RGS6: variants seen among roughly 807,000 people sequenced by gnomAD.
RGS6 encodes regulator of G protein signaling 6.
Under a neutral mutation model 78.5 loss-of-function variants are expected in RGS6, and 30 were observed. That is an observed-to-expected ratio of 0.38 (90% CI 0.29 to 0.52). The LOEUF (loss-of-function observed/expected upper bound fraction) is 0.52. RGS6 is among the 20% of genes least tolerant of loss of function. The pLI is 0.85. For synonymous variants in RGS6, 206 were observed against 206.0 expected, an observed-to-expected ratio of 1.00 and a Z score of 0.00; for missense variants, 495 against 609.7, an observed-to-expected ratio of 0.81 and a Z score of 1.98.
chr14:72,146,366 T>G (rs975492144), intron 2 of RGS6, among the ~76,000 whole-genome samples: 2 of 152,146 alleles, frequency 1.3e-5, no homozygotes, highest in Non-Finnish European at 2.9e-5. Context: ...CACATTCTTC[T>G]CACATGTAAA....
intron 2 of RGS6, among the ~76,000 whole-genome samples, chr14:72,278,095 G>C (rs2060980346): frequency 6.6e-6 from 1 of 152,136 alleles, no homozygotes; most frequent in African/African-American, 2.4e-5. Context: ...GAAAATGGTA[G>C]GGTCTGGAGG....
chr14:72,320,096 C>G (rs1447272764), intron 2 of RGS6, among the ~76,000 whole-genome samples: 1 of 152,174 alleles, frequency 6.6e-6, no homozygotes, highest in African/African-American at 2.4e-5. Flanking sequence ...AAACCTCAGG[C>G]TAACCTAAGC....
chr14:72,347,540 A>G (rs1431995939), intron 2 of RGS6, among the ~76,000 whole-genome samples: 1 of 152,250 alleles, frequency 6.6e-6, no homozygotes, highest in Non-Finnish European at 1.5e-5. Flanking sequence ...GGTTGAGAAC[A>G]TAAAGATGAA....
At chr14:72,332,523 C>T (rs1281463050) in intron 2 of RGS6, among the ~76,000 whole-genome samples, 2 of 152,164 alleles carry the variant, frequency 1.3e-5, no homozygotes, top group Non-Finnish European at 2.9e-5. Flanking sequence ...CAACTAGGAA[C>T]CCCAGAGTAG....
chr14:72,144,828 CAG>C (rs1454405382), intron 2 of RGS6, among the ~76,000 whole-genome samples: 2 of 151,322 alleles, frequency 1.3e-5, no homozygotes, highest in Admixed American at 6.6e-5. Flanking sequence ...TGTATCGAGA[CAG>C]GGGAATTGCA....
At chr14:72,130,090 T>G (rs1016927486) in intron 2 of RGS6, among the ~76,000 whole-genome samples, 1 of 152,138 alleles carries the variant, frequency 6.6e-6, no homozygotes, top group Non-Finnish European at 1.5e-5. Flanking sequence ...AACCCCCAGG[T>G]TTGGCAATTC....
chr14:72,419,756 G>A (rs2094063238), intron 3 of RGS6, among the ~76,000 whole-genome samples: 1 of 152,192 alleles, frequency 6.6e-6, no homozygotes, highest in Non-Finnish European at 1.5e-5. Context: ...TATAGGTAAA[G>A]AGCAGCAAAA....
At chr14:72,143,948 G>A (rs1473934359) in intron 2 of RGS6, among the ~76,000 whole-genome samples, 1 of 152,110 alleles carries the variant, frequency 6.6e-6, no homozygotes, top group Non-Finnish European at 1.5e-5. Context: ...GTCAGTCACA[G>A]GACTTGTAGG....
In RGS6 at chr14:72,005,316, CTT is replaced by C. The variant is rs200084696; in HGVS notation, c.84+40443_84+40444del. ...GAATTTTATTGTCTAACTCATATCT[CTT>C]TATAATATTTATACTTAGAAAGTAT... On this transcript the variant is annotated intron_variant, in intron 2 of 17. Coordinates refer to ENST00000553525, the MANE Select transcript of RGS6 (RefSeq NM_001204424.2). Among the ~76,000 whole-genome samples, 195 of 152,110 alleles carry C rather than the reference CTT, an allele frequency of 1.3e-3. 3 individuals carry two copies. The East Asian group carries it at 0.035, about 27-fold the overall frequency.
At chr14:72,167,154 T>C (rs2096939358) in intron 2 of RGS6, among the ~76,000 whole-genome samples, 1 of 152,196 alleles carries the variant, frequency 6.6e-6, no homozygotes, top group Non-Finnish European at 1.5e-5. Context: ...TGGGGAAGGA[T>C]CCACATTTGA....
intron 2 of RGS6, among the ~76,000 whole-genome samples, chr14:72,063,931 T>C (rs1397799007): frequency 6.6e-6 from 1 of 152,122 alleles, no homozygotes; most frequent in Non-Finnish European, 1.5e-5. Flanking sequence ...ATAAGATTGC[T>C]GAGCAGAACT....
intron 2 of RGS6, among the ~76,000 whole-genome samples, chr14:72,060,622 T>C (rs2093847292): frequency 6.6e-6 from 1 of 152,210 alleles, no homozygotes; most frequent in Admixed American, 6.5e-5. Context: ...TTTATTTAAA[T>C]AGACTGAATG....
Position 72,259,156 on chromosome 14 carries a change from T to C in RGS6, c.85-92939T>C, listed in dbSNP as rs2057649461. ...CCACCAGTGTCACCATTTGTTGGGATTTTTGTTTTGTTTTGTTTAGGCTTG... is the reference window on the plus strand; with the variant it reads ...CCACCAGTGTCACCATTTGTTGGGACTTTTGTTTTGTTTTGTTTAGGCTTG... On this transcript the variant is annotated intron_variant, in intron 2 of 17. Coordinates refer to ENST00000553525, the MANE Select transcript of RGS6 (RefSeq NM_001204424.2). 2.6e-5 allele frequency among the ~76,000 whole-genome samples: 4 copies of C among 152,312 alleles called. No homozygotes were observed. The South Asian group carries it at 8.3e-4, about 32-fold the overall frequency.
intron 2 of RGS6, among the ~76,000 whole-genome samples, chr14:72,330,208 G>A (rs2074693713): frequency 6.6e-6 from 1 of 152,208 alleles, no homozygotes; most frequent in South Asian, 2.1e-4. Context: ...GTCAGTCTTT[G>A]TCCTTGACAA....
chr14:71,942,826 C>G (rs1045657838), intron 1 of RGS6, among the ~76,000 whole-genome samples: 3 of 151,894 alleles, frequency 2.0e-5, no homozygotes, highest in African/African-American at 7.3e-5. Context: ...GTGGTAACTT[C>G]AAAAAAAGTG....
At chr14:72,182,770 T>C (rs1486615603) in intron 2 of RGS6, among the ~76,000 whole-genome samples, 1 of 152,176 alleles carries the variant, frequency 6.6e-6, no homozygotes, top group Non-Finnish European at 1.5e-5. Context: ...GGAAAATCCA[T>C]TGTGGGGAAA....
chr14:72,166,476 G>A (rs2096929715), intron 2 of RGS6, among the ~76,000 whole-genome samples: 1 of 152,176 alleles, frequency 6.6e-6, no homozygotes, highest in Non-Finnish European at 1.5e-5. Context: ...GAACTGTGTT[G>A]TTTCACATAC....
chr14:72,242,759 A>G (rs1211656548), intron 2 of RGS6, among the ~76,000 whole-genome samples: 3 of 151,914 alleles, frequency 2.0e-5, no homozygotes, highest in African/African-American at 7.3e-5. Flanking sequence ...TGTATGGACA[A>G]GGGTGAATAG....
chr14:72,069,213 T>C (rs1054327330), intron 2 of RGS6, among the ~76,000 whole-genome samples: 1 of 152,062 alleles, frequency 6.6e-6, no homozygotes, highest in Non-Finnish European at 1.5e-5. Context: ...TATCAAATGA[T>C]CCACCTGCCT....
Sources: gnomAD v4.1 joint callset for allele counts (sites outside exome capture counted in the v4.1 genomes callset) on GRCh38, gnomAD v4.1.1 for gene constraint, MANE v1.5 for transcripts, NCBI Gene and HGNC (gene_info 2026-07-23, HGNC 2026-07-21) for gene names.